The following SPICE1 variants were observed in gnomAD, a reference collection of about 807,000 sequenced individuals.
SPICE1 encodes the protein spindle and centriole associated protein 1.
Under a neutral mutation model 102.7 loss-of-function variants are expected in SPICE1, and 75 were observed. That is an observed-to-expected ratio of 0.73 (90% confidence interval 0.61 to 0.88). The LOEUF is 0.88. Among genes scored for constraint, SPICE1 ranks in the 40% least tolerant of loss-of-function variants. The probability of loss-of-function intolerance (pLI) is 0.00; values close to 1 mark genes in which losing one functional copy is unlikely to be tolerated. For synonymous variants in SPICE1, 308 were observed against 350.3 expected (o/e 0.88, Z 1.35); for missense variants, 979 against 1,020.1 (o/e 0.96, Z 0.55).
chr3:113,468,324 G>C lies in SPICE1; in HGVS notation c.970C>G (p.Pro324Ala). Residue 324 changes from proline (P) to alanine (A), a missense_variant, in exon 10 of 18, where the codon CCA becomes GCA. Physicochemically the swap from Pro to Ala is conservative, Grantham distance 27. Transcript: ENST00000295872. ...TCCAGGTTGGAATTAGTCCTATTTG[G>C]TAAGTCTGCAGAGGTTGTGCTACCT... ...SSGSTTSADLPNRTNSNLDVL... is the reference protein window; with the variant it reads ...SSGSTTSADLANRTNSNLDVL... 2 of 1,614,130 alleles carry C rather than the reference G, an allele frequency of 1.2e-6. No individual in the cohort carries two copies. The highest frequency in any genetic ancestry group is 1.7e-6 in the Non-Finnish European group (2 of 1,180,034).
intron 4 of SPICE1, among the ~76,000 whole-genome samples, chr3:113,497,254 A>C (rs775620024): frequency 6.6e-6 from 1 of 152,232 alleles, no homozygotes; most frequent in Non-Finnish European, 1.5e-5. Context: ...AAAGGACTGC[A>C]GAGTTCCCTA....
chr3:113,503,420 A>T (rs1937047206), intron 2 of SPICE1, among the ~76,000 whole-genome samples, 193 bp from the exon 3 acceptor site: 1 of 152,226 alleles, frequency 6.6e-6, no homozygotes, highest in Admixed American at 6.5e-5. Flanking sequence ...AGAAAATAAC[A>T]GACTAATTTT....
intron 7 of SPICE1, among the ~76,000 whole-genome samples, chr3:113,481,881 G>A (rs1285000994): frequency 6.6e-6 from 1 of 152,096 alleles, no homozygotes; most frequent in Non-Finnish European, 1.5e-5. Context: ...AAACATATGT[G>A]TCCATGTGTC....
intron 7 of SPICE1, among the ~76,000 whole-genome samples, chr3:113,487,185 C>T (rs2107488786): frequency 6.6e-6 from 1 of 152,130 alleles, no homozygotes; most frequent in Non-Finnish European, 1.5e-5. Flanking sequence ...AGTATGGGCG[C>T]AGCAATTCCA....
At chr3:113,446,238 A>C (rs1268887531) in intron 17 of SPICE1, among the ~76,000 whole-genome samples, 2 of 152,188 alleles carry the variant, frequency 1.3e-5, no homozygotes, top group East Asian at 3.9e-4. Context: ...ACCCCACCCA[A>C]GCACAAGGAC....
intron 1 of SPICE1, among the ~76,000 whole-genome samples, chr3:113,507,481 TAC>T (rs1937134620): frequency 6.6e-6 from 1 of 151,962 alleles, no homozygotes; most frequent in Non-Finnish European, 1.5e-5. Context: ...TTTCCTTAAG[TAC>T]TTTTTTTTAA....
At chr3:113,474,123 C>G (rs1316448379) in intron 7 of SPICE1, among the ~76,000 whole-genome samples, 1 of 151,308 alleles carries the variant, frequency 6.6e-6, no homozygotes, top group Non-Finnish European at 1.5e-5. Flanking sequence ...CAAAAAAAGG[C>G]AGGGGTTGCA....
chr3:113,501,052 T>G (rs1936998433), intron 3 of SPICE1, among the ~76,000 whole-genome samples: 1 of 152,148 alleles, frequency 6.6e-6, no homozygotes, highest in Non-Finnish European at 1.5e-5. Flanking sequence ...GGTACTGGCA[T>G]AAGGATTGAC....
At chr3:113,488,252 T>A (rs951813490) in intron 7 of SPICE1, among the ~76,000 whole-genome samples, 16 of 152,202 alleles carry the variant, frequency 1.1e-4, no homozygotes, top group African/African-American at 3.1e-4. Flanking sequence ...CACACTGAAT[T>A]ATTTAGGGAT....
At chr3:113,457,037 T>C in intron 13 of SPICE1, 99 bp downstream of exon 13, 1 of 1,191,554 alleles carries the variant, frequency 8.4e-7, no homozygotes, top group South Asian at 1.5e-5. Context: ...GTAATCAGTG[T>C]CTTTTTCAAT....
chr3:113,480,933 A>AAGAAAGAAAGAAAGAC (rs1248071483), intron 7 of SPICE1, among the ~76,000 whole-genome samples: 1 of 151,814 alleles, frequency 6.6e-6, no homozygotes, highest in African/African-American at 2.4e-5. Context: ...AGAAAGAAAA[A>AAGAAAGAAAGAAAGAC]AGACCTCAGT....
intron 14 of SPICE1, among the ~76,000 whole-genome samples, 155 bp downstream of exon 14, chr3:113,453,311 C>A (rs1347085097): frequency 6.6e-6 from 1 of 152,104 alleles, no homozygotes; most frequent in African/African-American, 2.4e-5. Flanking sequence ...TGATAAATAA[C>A]TTGGACCTAT....
intron 4 of SPICE1, among the ~76,000 whole-genome samples, chr3:113,494,646 CAA>C (rs35761157): frequency 7.4e-5 from 8 of 108,466 alleles, no homozygotes; most frequent in Admixed American, 1.0e-4. Flanking sequence ...GACTCCGTCT[CAA>C]AAAAAAAAAA....
chr3:113,475,334 C>T (rs561725745), intron 7 of SPICE1, among the ~76,000 whole-genome samples: 3 of 152,262 alleles, frequency 2.0e-5, no homozygotes, highest in Non-Finnish European at 4.4e-5. Flanking sequence ...GATGGATTCA[C>T]AGCCAAATTC....
intron 4 of SPICE1, among the ~76,000 whole-genome samples, chr3:113,495,739 T>C (rs1936867961): frequency 1.3e-5 from 2 of 152,252 alleles, no homozygotes; most frequent in Non-Finnish European, 2.9e-5. Flanking sequence ...TAGGAAAGAA[T>C]GTGAATGAAT....
chr3:113,455,943 C>A (rs1935768981), intron 13 of SPICE1, among the ~76,000 whole-genome samples: 1 of 152,104 alleles, frequency 6.6e-6, no homozygotes, highest in Non-Finnish European at 1.5e-5. Context: ...AATGATAGAG[C>A]TGGAGGGAAC....
intron 15 of SPICE1, 140 bp downstream of exon 15, chr3:113,450,196 G>C (rs1421422445): frequency 2.5e-6 from 2 of 803,560 alleles, no homozygotes; most frequent in Non-Finnish European, 4.0e-6. Flanking sequence ...CTGTGAGTTA[G>C]GGCTATTTCT....
In SPICE1 at chr3:113,454,509, G is replaced by C. The variant is rs138393688; in HGVS notation, c.1658-559C>G. On this transcript the variant is annotated intron_variant, in intron 13 of 17. Coordinates refer to ENST00000295872, the MANE Select transcript of SPICE1 (RefSeq NM_144718.4). ...AGATCACCTCAGGTCAGGAGTTCGA[G>C]ATCAGCCTGGCCAACATAGTGAAAC... Among the ~76,000 whole-genome samples, 841 of 152,198 alleles carry C rather than the reference G, an allele frequency of 5.5e-3. 8 individuals carry two copies. The highest frequency in any genetic ancestry group is 0.02 in the African/African-American group (813 of 41,506).
At chr3:113,450,609 C>G (rs1375396540) in intron 14 of SPICE1, 93 bp from the exon 15 acceptor site, 6 of 1,300,248 alleles carry the variant, frequency 4.6e-6, no homozygotes, top group Non-Finnish European at 6.2e-6. Context: ...CAGAGTCTCA[C>G]TCTGTTGCCC....
Sources: allele counts gnomAD v4.1 joint callset (sites outside exome capture counted in the v4.1 genomes callset), GRCh38; gene constraint gnomAD v4.1.1; transcripts MANE v1.5; gene names NCBI Gene and HGNC (gene_info 2026-07-23, HGNC 2026-07-21).